The following GGT5 variants were observed in gnomAD, a reference collection of about 807,000 sequenced individuals.
The protein encoded by GGT5 is gamma-glutamyltransferase 5.
A neutral mutation model predicts 58.1 loss-of-function variants in GGT5; 50 were observed. The ratio of observed to expected loss-of-function variants is 0.86; its 90% CI spans 0.69 to 1.09. The LOEUF is 1.09. Ranked by LOEUF, GGT5 falls within the 50% of genes least tolerant of loss-of-function variation. GGT5 has a pLI of 0.00. For synonymous variants in GGT5, 370 were observed against 346.1 expected (o/e 1.07, Z -0.77); for missense variants, 800 against 789.4 (o/e 1.01, Z -0.16).
chr22:24,232,572 C>T lies in GGT5; in HGVS notation c.596+251G>A, dbSNP rs192870557. On this transcript the variant is annotated intron_variant, in intron 4 of 11. Coordinates refer to ENST00000327365, the MANE Select transcript of GGT5 (RefSeq NM_004121.5). ...GAAGAAGGAGGCCGGGGCCCCAGGG[C>T]GGGTGGCAGAGCCCAAATCCACACC... 1.9e-3 allele frequency among the ~76,000 whole-genome samples: 291 copies of T among 152,222 alleles called. 1 individual carries two copies. Among genetic ancestry groups the T allele is most frequent in the African/African-American group, 6.7e-3 (280 of 41,542 alleles).
intron 8 of GGT5, 138 bp downstream of exon 8, chr22:24,225,938 T>C: frequency 1.5e-6 from 1 of 678,980 alleles, no homozygotes; most frequent in South Asian, 1.9e-5. Context: ...TGGGGGCCTC[T>C]TTTGAAATAG....
chr22:24,234,006 TA>T lies in GGT5; in HGVS notation c.174-3del. The T allele has an allele frequency of 6.2e-7, 1 of 1,605,354 alleles. No individual in the cohort carries two copies. On this transcript the variant is annotated splice_region_variant and splice_polypyrimidine_tract_variant and intron_variant, in intron 1 of 11. Coordinates refer to ENST00000327365, the MANE Select transcript of GGT5 (RefSeq NM_004121.5). Reference sequence around the variant, plus strand: ...GAGCCCTGCTGCTGGAGGATGGCTCTAGGGGACATGGCACAGAGTCGCTGTG... The same window carrying T: ...GAGCCCTGCTGCTGGAGGATGGCTCTGGGGACATGGCACAGAGTCGCTGTG...
At chr22:24,225,954 GA>G (rs1473045204) in intron 8 of GGT5, 121 bp downstream of exon 8, 1 of 704,096 alleles carries the variant, frequency 1.4e-6, no homozygotes, top group African/African-American at 1.8e-5. Context: ...AATAGAGGAG[GA>G]GAAAAAGGGC....
In GGT5 at chr22:24,232,036, C is replaced by T. The variant is rs759401586; in HGVS notation, c.754+15G>A. 5.0e-6 allele frequency: 8 copies of T among 1,609,492 alleles called. No individual in the cohort carries two copies. Among genetic ancestry groups the T allele is most frequent in the Non-Finnish European group, 5.9e-6 (7 of 1,176,526 alleles). The stretch of plus-strand genomic sequence containing the variant: ...CTCCAGCAGGGATGGGGTATGGAAC[C>T]TCAGGGAGGCTGACCTTCCTTGGCA... On this transcript the variant is annotated intron_variant, in intron 5 of 11. Transcript: ENST00000327365.
At position 24,244,698 on chromosome 22, in the gene GGT5, T is replaced by C. The variant is rs78246933; in HGVS notation, c.28A>G (p.Ser10Gly). MARGYGATV[S>G]LVLLGLGLAL... ...AGCCCCAGACCCAGCAGGACTAGGC[T>C]GACCGTGGCCCCGTAGCCCCGGGCC... The change falls in exon 1 of 12, where the codon AGC (serine) becomes GGC (glycine). Residue 10 changes from serine to glycine, a missense_variant. By Grantham distance (56) the Ser-to-Gly change is moderately conservative. Transcript: ENST00000327365. The C allele has an allele frequency of 0.012, 18,946 of 1,611,808 alleles. 1,933 individuals carry two copies. The African/African-American group carries it at 0.22, about 19-fold the overall frequency.
At position 24,220,007 on chromosome 22, in the gene GGT5, G is replaced by A. The variant is rs752810876; in HGVS notation, c.1724C>T (p.Ser575Leu). 13 of 1,614,112 alleles carry A rather than the reference G, an allele frequency of 8.1e-6. No individual in the cohort carries two copies. The highest frequency in any genetic ancestry group is 1.1e-5 in the South Asian group (1 of 91,090). Residue 575 changes from serine (S) to leucine (L), a missense_variant, in exon 12 of 12, where the codon TCG (serine) becomes TTG (leucine). Ser to Leu is a moderately radical substitution (Grantham distance 145). Coordinates refer to ENST00000327365, the MANE Select transcript of GGT5 (RefSeq NM_004121.5). ...SQEGACVYAV[S>L]DLRKSGEAAG... Reference sequence around the variant, plus strand: ...GGCCTCCCCACTCTTCCTCAGGTCCGAGACGGCGTACACACAGGCCCCCTC... The same window carrying A: ...GGCCTCCCCACTCTTCCTCAGGTCCAAGACGGCGTACACACAGGCCCCCTC...
intron 1 of GGT5, chr22:24,243,320 C>A (rs1373625271): frequency 6.6e-6 from 1 of 152,324 alleles, no homozygotes; most frequent in African/African-American, 2.4e-5. Flanking sequence ...ACTAAGCAGT[C>A]CCCAGCCCCG....
At chr22:24,238,896 TATA>T (rs1569372271) in intron 1 of GGT5, among the ~76,000 whole-genome samples, 513 of 13,678 alleles carry the variant, frequency 0.038, 54 homozygotes, top group African/African-American at 0.14. Context: ...ATATTTTATA[TATA>T]TATATATTAT....
intron 1 of GGT5, chr22:24,241,768 G>A (rs1360113150): frequency 1.3e-5 from 2 of 149,186 alleles, no homozygotes; most frequent in Non-Finnish European, 3.0e-5. Context: ...ATTATAGAAT[G>A]AAGATATTAA....
chr22:24,232,777 A>G, intron 4 of GGT5, 46 bp downstream of exon 4: 1 of 1,341,100 alleles, frequency 7.5e-7, no homozygotes, highest in Non-Finnish European at 1.0e-6. Context: ...CCCAGACAGG[A>G]TATGGCCTTG....
chr22:24,226,303 G>A (rs1467194831), intron 7 of GGT5, 37 bp from the exon 8 acceptor site: 5 of 1,513,114 alleles, frequency 3.3e-6, no homozygotes, highest in South Asian at 2.4e-5. Flanking sequence ...TCAGTGAGGG[G>A]CCAGGCAGAA....
At chr22:24,236,392 A>G (rs535975616) in intron 1 of GGT5, among the ~76,000 whole-genome samples, 1 of 151,526 alleles carries the variant, frequency 6.6e-6, no homozygotes, top group African/African-American at 2.4e-5. Flanking sequence ...CAAGCCACCA[A>G]CCTCTCTCAG....
intron 11 of GGT5, among the ~76,000 whole-genome samples, chr22:24,224,140 C>T (rs185944473): frequency 6.6e-6 from 1 of 152,182 alleles, no homozygotes; most frequent in African/African-American, 2.4e-5. Flanking sequence ...GAGTCTCTGT[C>T]TAAGGATAGA....
Position 24,226,183 on chromosome 22 carries a change from G to A in GGT5, c.1122C>T (p.Ser374=), listed in dbSNP as rs775421388. 1.9e-6 allele frequency: 3 copies of A among 1,610,644 alleles called. No homozygotes were observed. Among genetic ancestry groups the A allele is most frequent in the South Asian group, 2.2e-5 (2 of 91,056 alleles). The change falls in exon 8 of 12, where the codon AGC becomes AGT. Residue 374 remains serine (S), a synonymous_variant. Transcript: ENST00000327365. ...QIDGRGDHQL[S]HYSLAEAWGH... is the part of the protein sequence containing the mutation. ...CCCAGGCCTCGGCCAAGCTGTAGTG[G>A]CTGAGCTGGTGGTCCCCCCGGCCAT...
Position 24,219,766 on chromosome 22 carries a change from C to T in GGT5, c.*204G>A. 3 of 583,238 alleles carry T rather than the reference C, an allele frequency of 5.1e-6. No individual in the cohort carries two copies. The highest frequency in any genetic ancestry group is 9.1e-6 in the Non-Finnish European group (3 of 329,052). The allele number at this position is 583,238 out of a possible 1,614,324, so 36.1% of individuals were successfully genotyped here. A position where few individuals can be genotyped will look rare whatever the true frequency, so the allele number is the denominator to read the frequency against. The stretch of plus-strand genomic sequence containing the variant: ...GAGGGATAGAGGGGCCGGTTCAGGA[C>T]CACCAGGGGCTCTGGGAAAGGGGGT... On this transcript the variant is annotated 3_prime_UTR_variant, in exon 12 of 12. Coordinates refer to ENST00000327365, the MANE Select transcript of GGT5 (RefSeq NM_004121.5).
intron 6 of GGT5, among the ~76,000 whole-genome samples, chr22:24,229,665 C>T (rs1228168707): frequency 6.6e-6 from 1 of 151,414 alleles, no homozygotes; most frequent in Non-Finnish European, 1.5e-5. Context: ...AACCCCATCT[C>T]TACTAAAAAA....
At chr22:24,238,534 CAA>C (rs1208871859) in intron 1 of GGT5, among the ~76,000 whole-genome samples, 4 of 126,018 alleles carry the variant, frequency 3.2e-5, no homozygotes, top group Non-Finnish European at 1.7e-5. Context: ...GACCCCATCT[CAA>C]AAAAAAAAAA....
rs1569371957 is a variant in GGT5 at position 24,238,860 on chromosome 22, TATATAATATATATA to T, written c.174-4870_174-4857del. ...ATATATATATATTATATATATTATA[TATATAATATATATA>T]ATATATATTATATATTTTATATATA... On this transcript the variant is annotated intron_variant, in intron 1 of 11. Coordinates refer to ENST00000327365, the MANE Select transcript of GGT5 (RefSeq NM_004121.5). Among the ~76,000 whole-genome samples the T allele has an allele frequency of 4.6e-3, 64 of 14,060 alleles. 9 individuals carry two copies. Among genetic ancestry groups the T allele is most frequent in the Middle Eastern group, 0.062 (1 of 16 alleles). The allele number at this position is 14,060 out of a possible 152,430, so 9.2% of individuals were successfully genotyped here.
intron 4 of GGT5, 95 bp from the exon 5 acceptor site, chr22:24,232,303 G>C: frequency 1.5e-6 from 1 of 647,344 alleles, no homozygotes; most frequent in Non-Finnish European, 2.6e-6. Context: ...GGACCCTACA[G>C]TGGGGGGCGC....
Sources: allele counts gnomAD v4.1 joint callset (sites outside exome capture counted in the v4.1 genomes callset), GRCh38; gene constraint gnomAD v4.1.1; transcripts MANE v1.5; gene names NCBI Gene and HGNC (gene_info 2026-07-23, HGNC 2026-07-21).